Variants in ADAMTSL1 observed in about 807,000 individuals in gnomAD.
The protein encoded by ADAMTSL1 is ADAMTS-like protein 1.
ADAMTSL1 carries 126 observed loss-of-function variants against 201.8 expected under a neutral mutation model. The observed-to-expected ratio is 0.62, with a 90% CI of 0.54 to 0.72. ADAMTSL1 has a LOEUF of 0.72. ADAMTSL1 is among the 30% of genes least tolerant of loss of function. The probability of loss-of-function intolerance (pLI) is 0.00; values close to 1 mark genes in which losing one functional copy is unlikely to be tolerated. For missense variants in ADAMTSL1, 2,679 were observed against 2,277.8 expected (o/e 1.18, Z -3.59); for synonymous variants, 1,121 against 903.4 (o/e 1.24, Z -4.32).
chr9:18,291,614 A>G (rs1833263991), intron 2 of ADAMTSL1, among the ~76,000 whole-genome samples: 1 of 151,810 alleles, frequency 6.6e-6, no homozygotes, highest in Admixed American at 6.6e-5. Context: ...AGATCTGACT[A>G]CTGGATTCTT....
At chr9:18,603,994 C>T (rs1824841838) in intron 4 of ADAMTSL1, among the ~76,000 whole-genome samples, 1 of 152,212 alleles carries the variant, frequency 6.6e-6, no homozygotes, top group Admixed American at 6.5e-5. Context: ...GGCGAGAGCA[C>T]ACCTGAACAA....
intron 11 of ADAMTSL1, 111 bp from the exon 12 acceptor site, chr9:18,681,701 G>GGGGT (rs1830492745): frequency 4.3e-6 from 2 of 470,130 alleles, no homozygotes; most frequent in African/African-American, 3.5e-5. Context: ...CTCGTGTGGG[G>GGGGT]GGGGGGGGCG....
chr9:18,672,063 AG>A (rs1489703707), intron 9 of ADAMTSL1, among the ~76,000 whole-genome samples: 2 of 152,132 alleles, frequency 1.3e-5, no homozygotes, highest in Non-Finnish European at 1.5e-5. Flanking sequence ...ATTAAAAAAA[AG>A]AACAGAACCC....
intron 1 of ADAMTSL1, among the ~76,000 whole-genome samples, chr9:18,014,347 G>A (rs1820169535): frequency 6.6e-6 from 1 of 151,980 alleles, no homozygotes; most frequent in Non-Finnish European, 1.5e-5. Flanking sequence ...TCACATCGAA[G>A]CATAACTTGG....
At chr9:17,994,453 A>G (rs1819292641) in intron 1 of ADAMTSL1, among the ~76,000 whole-genome samples, 1 of 152,180 alleles carries the variant, frequency 6.6e-6, no homozygotes, top group Non-Finnish European at 1.5e-5. Flanking sequence ...AGACATTTTC[A>G]TTGGGAATTG....
chr9:18,036,354 C>A (rs1007787057), intron 1 of ADAMTSL1, among the ~76,000 whole-genome samples: 2 of 152,158 alleles, frequency 1.3e-5, no homozygotes, highest in African/African-American at 4.8e-5. Context: ...CTCTGCATTA[C>A]CCCATGTAAT....
intron 3 of ADAMTSL1, among the ~76,000 whole-genome samples, chr9:18,567,059 C>G (rs1757044425): frequency 6.6e-6 from 1 of 152,148 alleles, no homozygotes; most frequent in African/African-American, 2.4e-5. Context: ...AAGCCTCACC[C>G]CAGGTCTACT....
chr9:18,021,454 G>A (rs1370052613), intron 1 of ADAMTSL1, among the ~76,000 whole-genome samples: 2 of 152,226 alleles, frequency 1.3e-5, no homozygotes, highest in African/African-American at 4.8e-5. Flanking sequence ...ATCTTTTCAT[G>A]TGAAAAATGC....
intron 1 of ADAMTSL1, among the ~76,000 whole-genome samples, chr9:17,959,071 A>G (rs183033697): frequency 2.2e-4 from 34 of 152,324 alleles, no homozygotes; most frequent in Admixed American, 2.1e-3. Flanking sequence ...GTAATATAGT[A>G]TTATTTTTAT....
At chr9:17,973,391 A>C (rs1415670948) in intron 1 of ADAMTSL1, among the ~76,000 whole-genome samples, 6 of 120,466 alleles carry the variant, frequency 5.0e-5, no homozygotes, top group Non-Finnish European at 9.6e-5. Flanking sequence ...ATGGCTAGCC[A>C]GTTTTCCCAG....
At chr9:18,180,896 C>G (rs560966170) in intron 2 of ADAMTSL1, among the ~76,000 whole-genome samples, 2 of 152,290 alleles carry the variant, frequency 1.3e-5, no homozygotes, top group South Asian at 2.1e-4. Context: ...TACTACAAGG[C>G]TACAGTAACC....
At chr9:18,717,440 T>C (rs1054259860) in intron 14 of ADAMTSL1, among the ~76,000 whole-genome samples, 2 of 152,056 alleles carry the variant, frequency 1.3e-5, no homozygotes, top group African/African-American at 4.8e-5. Context: ...AAAAACTATA[T>C]AGCTGTATTA....
intron 1 of ADAMTSL1, among the ~76,000 whole-genome samples, chr9:18,482,951 G>C (rs1332135568): frequency 1.3e-5 from 2 of 152,058 alleles, no homozygotes; most frequent in African/African-American, 4.8e-5. Context: ...TTCTTATTTG[G>C]GGCTTGTAAC....
chr9:18,200,554 T>A (rs927491683), intron 2 of ADAMTSL1, among the ~76,000 whole-genome samples: 2 of 152,052 alleles, frequency 1.3e-5, no homozygotes, highest in Non-Finnish European at 2.9e-5. Flanking sequence ...AACTTAAAGT[T>A]GCAAACATGG....
At chr9:17,932,752 A>G (rs1826847215) in intron 1 of ADAMTSL1, among the ~76,000 whole-genome samples, 1 of 152,182 alleles carries the variant, frequency 6.6e-6, no homozygotes, top group Non-Finnish European at 1.5e-5. Flanking sequence ...TGATCTAAGT[A>G]ATCTGCTTAT....
At chr9:18,273,286 G>C (rs1040298579) in intron 2 of ADAMTSL1, among the ~76,000 whole-genome samples, 4 of 152,098 alleles carry the variant, frequency 2.6e-5, no homozygotes, top group Non-Finnish European at 5.9e-5. Flanking sequence ...TCACCATGTT[G>C]GCCAGTTTAG....
At chr9:18,432,692 T>A (rs1819550484) in intron 2 of ADAMTSL1, among the ~76,000 whole-genome samples, 1 of 152,214 alleles carries the variant, frequency 6.6e-6, no homozygotes, top group Admixed American at 6.5e-5. Context: ...TGTCCTTATT[T>A]CACCTTTGTT....
At chr9:18,471,594 G>A (rs1416290354), upstream of ADAMTSL1, among the ~76,000 whole-genome samples, 1 of 152,132 alleles carries the variant, frequency 6.6e-6, no homozygotes, top group Non-Finnish European at 1.5e-5. Context: ...TCCCTTTTCT[G>A]AAGTTATAGT....
At chr9:18,082,629 G>A (rs918049321) in intron 1 of ADAMTSL1, among the ~76,000 whole-genome samples, 2 of 152,240 alleles carry the variant, frequency 1.3e-5, no homozygotes, top group Admixed American at 6.5e-5. Context: ...TGGCTCCAGC[G>A]CTGTCCATGA....
Sources: gnomAD v4.1 joint callset for allele counts (sites outside exome capture counted in the v4.1 genomes callset) on GRCh38, gnomAD v4.1.1 for gene constraint, MANE v1.5 for transcripts, NCBI Gene and HGNC (gene_info 2026-07-23, HGNC 2026-07-21) for gene names.